Variants in EPHA7 observed in about 807,000 individuals in gnomAD.
EPHA7 encodes the protein EPH receptor A7.
In EPHA7, 25 loss-of-function variants were observed where a neutral mutation model predicts 112.6. The ratio of observed to expected loss-of-function variants is 0.22; its 90% CI spans 0.16 to 0.31. EPHA7 has a LOEUF of 0.31. Ranked by LOEUF, EPHA7 falls within the 10% of genes least tolerant of loss-of-function variation. EPHA7 has a pLI of 1.00. For synonymous variants in EPHA7, 437 were observed against 406.5 expected (o/e 1.07, Z -0.90); for missense variants, 962 against 1,212.6 (o/e 0.79, Z 3.07).
At chr6:93,246,768 T>A (rs1425418837) in intron 15 of EPHA7, 24 bp downstream of exon 15, 1 of 1,567,090 alleles carries the variant, frequency 6.4e-7, no homozygotes, top group Non-Finnish European at 8.7e-7. Context: ...TCTCCCAGAT[T>A]CCATTCCCTT....
intron 3 of EPHA7, among the ~76,000 whole-genome samples, chr6:93,361,350 A>G (rs190666120): frequency 2.3e-4 from 35 of 152,140 alleles, no homozygotes; most frequent in African/African-American, 8.4e-4. Context: ...AATGGTGTTG[A>G]GAGTAAAGCC....
At chr6:93,387,673 C>G (rs550587468) in intron 3 of EPHA7, among the ~76,000 whole-genome samples, 1 of 152,170 alleles carries the variant, frequency 6.6e-6, no homozygotes, top group South Asian at 2.1e-4. Flanking sequence ...AACTTATGAT[C>G]ATGGAGGAAG....
At chr6:93,353,035 T>C (rs1775773841) in intron 5 of EPHA7, among the ~76,000 whole-genome samples, 1 of 152,082 alleles carries the variant, frequency 6.6e-6, no homozygotes, top group Non-Finnish European at 1.5e-5. Context: ...CTAATTCCCA[T>C]GACACAAGTT....
intron 5 of EPHA7, among the ~76,000 whole-genome samples, chr6:93,340,374 A>G (rs1426760616): frequency 2.0e-5 from 3 of 151,834 alleles, no homozygotes; most frequent in African/African-American, 7.2e-5. Context: ...TTAAATTATC[A>G]CATCTTCATT....
At chr6:93,393,068 T>C (rs1777988412) in intron 3 of EPHA7, among the ~76,000 whole-genome samples, 1 of 151,942 alleles carries the variant, frequency 6.6e-6, no homozygotes, top group Non-Finnish European at 1.5e-5. Flanking sequence ...GTGGCTGTAA[T>C]TGCAATCAAC....
At chr6:93,416,496 C>G (rs1360406514) in intron 1 of EPHA7, among the ~76,000 whole-genome samples, 1 of 152,166 alleles carries the variant, frequency 6.6e-6, no homozygotes, top group African/African-American at 2.4e-5. Flanking sequence ...CCTAAGCAGA[C>G]AGCAGTGATG....
At chr6:93,252,980 T>G (rs1313711777) in intron 14 of EPHA7, among the ~76,000 whole-genome samples, 2 of 152,024 alleles carry the variant, frequency 1.3e-5, no homozygotes, top group Non-Finnish European at 2.9e-5. Context: ...AATTTAAAAT[T>G]GGAGAAATTA....
At chr6:93,262,743 A>G (rs1198091037) in intron 9 of EPHA7, among the ~76,000 whole-genome samples, 2 of 151,472 alleles carry the variant, frequency 1.3e-5, no homozygotes, top group African/African-American at 4.8e-5. Context: ...TGTTGGTTCA[A>G]AAATACAAAC....
chr6:93,305,150 G>T (rs1342145776), intron 5 of EPHA7, among the ~76,000 whole-genome samples: 1 of 151,194 alleles, frequency 6.6e-6, no homozygotes, highest in Non-Finnish European at 1.5e-5. Flanking sequence ...TTACTTCCTG[G>T]TACAAAATAT....
At chr6:93,370,456 CT>C (rs1415180234) in intron 3 of EPHA7, among the ~76,000 whole-genome samples, 1 of 152,064 alleles carries the variant, frequency 6.6e-6, no homozygotes, top group Non-Finnish European at 1.5e-5. Context: ...AAAATAAATT[CT>C]AATAATTAAC....
rs1257509573 is a variant in EPHA7 at position 93,282,051 on chromosome 6, A to T, written c.1325-9629T>A. ...AGCTTATTAGTTCCTCTTCCAAAGT[A>T]TGTGCACAATGTTTATAACGTTGTC... On this transcript the variant is annotated intron_variant, in intron 5 of 16. Transcript: ENST00000369303. Among the ~76,000 whole-genome samples the T allele has an allele frequency of 1.6e-4, 25 of 152,096 alleles. 1 individual carries two copies. The highest frequency in any genetic ancestry group is 1.6e-3 in the Admixed American group (25 of 15,268).
At chr6:93,268,652 G>T (rs1015792900) in intron 7 of EPHA7, among the ~76,000 whole-genome samples, 3 of 151,640 alleles carry the variant, frequency 2.0e-5, no homozygotes, top group Admixed American at 1.3e-4. Context: ...CATCAGCTCT[G>T]TGGAGGAGCA....
At chr6:93,269,175 C>T (rs917259123) in intron 7 of EPHA7, among the ~76,000 whole-genome samples, 1 of 151,740 alleles carries the variant, frequency 6.6e-6, no homozygotes, top group African/African-American at 2.4e-5. Context: ...TCGACAAACA[C>T]ATCTTGTGTC....
At position 93,411,057 on chromosome 6, in the gene EPHA7, T is replaced by G; in HGVS notation, c.276A>C (p.Lys92Asn). 1 of 1,614,016 alleles carries G rather than the reference T, an allele frequency of 6.2e-7. No individual in the cohort carries two copies. Among genetic ancestry groups the G allele is most frequent in the Non-Finnish European group, 8.5e-7 (1 of 1,179,978 alleles). The change falls in exon 3 of 17, where the codon AAA (lysine) becomes AAC (asparagine). Residue 92 changes from lysine (K) to asparagine (N), a missense_variant. Lys to Asn is a moderately conservative substitution (Grantham distance 94). Transcript: ENST00000369303. ...CTACAAAAATCCTTTGTGCATTGCC[T>G]TTGGAAATCCAGTTAGTCCGCAGCC... is the stretch of plus-strand genomic sequence containing the variant. ...NNWLRTNWIS[K>N]GNAQRIFVEL...
intron 3 of EPHA7, among the ~76,000 whole-genome samples, chr6:93,387,327 C>T (rs558361190): frequency 6.6e-6 from 1 of 152,198 alleles, no homozygotes; most frequent in Non-Finnish European, 1.5e-5. Context: ...ATAATTTCCT[C>T]ATCTCCATCT....
chr6:93,256,375 C>T (rs1023979550), intron 12 of EPHA7, among the ~76,000 whole-genome samples: 12 of 151,806 alleles, frequency 7.9e-5, no homozygotes, highest in Non-Finnish European at 5.9e-5. Context: ...GTGTTTTCCC[C>T]ACATGCCAAA....
rs910611441 is a variant in EPHA7, at chr6:93,358,150, A to G, written c.988+106T>C. 4.3e-5 allele frequency: 35 copies of G among 812,996 alleles called. No homozygotes were observed. The African/African-American group carries it at 5.6e-4, about 13-fold the overall frequency. 50.4% of individuals were successfully genotyped at this position (812,996 alleles called of 1,614,324 possible). On this transcript the variant is annotated intron_variant, in intron 4 of 16. Transcript: ENST00000369303. ...TTTAAAATAATTTTAATATTTAAGT[A>G]TAATTAAGAATGTATCACAAATTCA...
At chr6:93,321,999 T>A (rs1774096506) in intron 5 of EPHA7, among the ~76,000 whole-genome samples, 1 of 151,842 alleles carries the variant, frequency 6.6e-6, no homozygotes, top group African/African-American at 2.4e-5. Flanking sequence ...ACATTAATAC[T>A]ACTTACGTTA....
intron 3 of EPHA7, among the ~76,000 whole-genome samples, chr6:93,409,004 T>A (rs977422265): frequency 7.9e-5 from 12 of 152,018 alleles, no homozygotes; most frequent in Non-Finnish European, 1.5e-5. Context: ...CAGTACAGCT[T>A]TGAAATCCAG....
Sources: gnomAD v4.1 joint callset for allele counts (sites outside exome capture counted in the v4.1 genomes callset) on GRCh38, gnomAD v4.1.1 for gene constraint, MANE v1.5 for transcripts, NCBI Gene and HGNC (gene_info 2026-07-23, HGNC 2026-07-21) for gene names.